Variants in MACF1 observed in about 807,000 individuals in gnomAD.
MACF1 encodes microtubule-actin cross-linking factor 1.
MACF1 carries 193 observed loss-of-function variants against 854.8 expected under a neutral mutation model. That is an observed-to-expected ratio of 0.23 (90% confidence interval 0.20 to 0.25). The LOEUF (loss-of-function observed/expected upper bound fraction) is 0.25, where lower values mean the gene tolerates loss of function less well. Ranked by LOEUF, MACF1 falls within the 10% of genes least tolerant of loss-of-function variation. The probability of loss-of-function intolerance (pLI) is 1.00; values close to 1 mark genes in which losing one functional copy is unlikely to be tolerated. For synonymous variants in MACF1, 3,185 were observed against 3,226.7 expected (o/e 0.99, Z 0.44); for missense variants, 7,722 against 8,929.1 (o/e 0.86, Z 5.45).
At chr1:39,235,936 G>C (rs1302078912) in intron 2 of MACF1, among the ~76,000 whole-genome samples, 1 of 152,054 alleles carries the variant, frequency 6.6e-6, no homozygotes, top group East Asian at 1.9e-4. Flanking sequence ...TGGGGTCTTG[G>C]TATGTTGCCC....
rs1386673236 is a variant in MACF1, at chr1:39,331,777, T to C, written c.5189T>C (p.Val1730Ala). ...HQESGFKLLP[V>A]KQLAGGMVSL... is the part of the protein sequence containing the mutation. ...GAATCAGGATTCAAATTACTGCCTGTCAAACAATTGGCAGGGGGGATGGTG... is the reference window on the plus strand; with the variant it reads ...GAATCAGGATTCAAATTACTGCCTGCCAAACAATTGGCAGGGGGGATGGTG... The change falls in exon 37 of 101, where the codon GTC becomes GCC. Residue 1730 changes from valine to alanine, a missense_variant. Coordinates refer to ENST00000564288, the MANE Select transcript of MACF1 (RefSeq NM_001394062.1). 6.2e-7 allele frequency: 1 copy of C among 1,613,990 alleles called. No individual in the cohort carries two copies.
intron 6 of MACF1, among the ~76,000 whole-genome samples, chr1:39,280,948 G>A (rs1213108117): frequency 6.6e-6 from 1 of 152,154 alleles, no homozygotes; most frequent in African/African-American, 2.4e-5. Flanking sequence ...AAGAATCGAA[G>A]GAAGACCAGC....
chr1:39,326,659 T>G (rs1646617975), intron 35 of MACF1, among the ~76,000 whole-genome samples: 1 of 118,482 alleles, frequency 8.4e-6, no homozygotes, highest in Non-Finnish European at 1.6e-5. Flanking sequence ...TCAACCTGGG[T>G]GACAGAGCGA....
At chr1:39,432,874 T>A (rs1175366129) in intron 67 of MACF1, among the ~76,000 whole-genome samples, 174 bp from the exon 68 acceptor site, 1 of 152,162 alleles carries the variant, frequency 6.6e-6, no homozygotes, top group Non-Finnish European at 1.5e-5. Flanking sequence ...ATTTCCTTGA[T>A]AGAAATTTTT....
At chr1:39,254,452 C>A in intron 5 of MACF1, 77 bp downstream of exon 5, 3 of 1,280,296 alleles carry the variant, frequency 2.3e-6, no homozygotes, top group Non-Finnish European at 2.3e-6. Flanking sequence ...GTTTTTAGTG[C>A]CCCTAGTAAG....
intron 2 of MACF1, among the ~76,000 whole-genome samples, chr1:39,086,398 T>G (rs1299823057): frequency 6.6e-6 from 1 of 151,566 alleles, no homozygotes; most frequent in Non-Finnish European, 1.5e-5. Context: ...CAACGAGGAG[T>G]CCTTGGAGGA....
intron 2 of MACF1, among the ~76,000 whole-genome samples, chr1:39,145,656 C>T (rs1476372489): frequency 6.6e-6 from 1 of 152,208 alleles, no homozygotes; most frequent in African/African-American, 2.4e-5. Context: ...TTGCAGAACT[C>T]AGCAGCCTCT....
rs533735033 is a variant in MACF1 at position 39,102,944 on chromosome 1, T to C, written c.220+18506T>C. On this transcript the variant is annotated intron_variant, in intron 2 of 93. Coordinates refer to the MACF1 transcript ENST00000361689. ...CAGCCGCTTTGTTCCTCTAGCCTTG[T>C]AAAATTTTCTCTGTATAAAACAGGA... 29 of 701,598 alleles carry C rather than the reference T, an allele frequency of 4.1e-5. No individual in the cohort carries two copies. In the South Asian group the frequency reaches 4.3e-4, roughly 10 times the overall value. The allele number at this position is 701,598 out of a possible 1,614,324, so 43.5% of individuals were successfully genotyped here. A position where few individuals can be genotyped will look rare whatever the true frequency, so the allele number is the denominator to read the frequency against.
intron 61 of MACF1, among the ~76,000 whole-genome samples, chr1:39,425,516 C>G (rs1175702921): frequency 5.3e-5 from 8 of 152,158 alleles, no homozygotes; most frequent in Admixed American, 3.9e-4. Context: ...AAAATATAAA[C>G]TCTTTAACAC....
chr1:39,322,573 CCT>C (rs1557586838), intron 31 of MACF1, 33 bp from the exon 32 acceptor site: 1 of 1,518,580 alleles, frequency 6.6e-7, no homozygotes, highest in South Asian at 1.1e-5. Context: ...ATTATAAAAC[CCT>C]GAGTAACTGT....
intron 2 of MACF1, among the ~76,000 whole-genome samples, chr1:39,239,089 A>C (rs1417629802): frequency 6.6e-6 from 1 of 152,042 alleles, no homozygotes; most frequent in Non-Finnish European, 1.5e-5. Flanking sequence ...GAGACCAGCC[A>C]GGCCAACATG....
Position 39,332,541 on chromosome 1 carries a change from G to A in MACF1, c.5953G>A (p.Asp1985Asn), listed in dbSNP as rs1350425465. The A allele has an allele frequency of 3.1e-6, 5 of 1,614,144 alleles. No homozygotes were observed. The highest frequency in any genetic ancestry group is 4.5e-5 in the East Asian group (2 of 44,888). ...AAATGGACAGAGGCTGCTTCTGTTA[G>A]ATAAAGAGCTGATGGAGACACTAAC... is the stretch of plus-strand genomic sequence containing the variant. The part of the protein sequence containing the change: ...VQNGQRLLLL[D>N]KELMETLTSR... Residue 1985 changes from aspartate (D) to asparagine (N), a missense_variant, in exon 37 of 101, where the codon GAT becomes AAT. Physicochemically the swap from Asp to Asn is conservative, Grantham distance 23. This residue lies in a region of MACF1 where 1,531 missense variants were observed against 1,601.6 expected (regional missense o/e 0.96). Transcript: ENST00000564288.
intron 2 of MACF1, among the ~76,000 whole-genome samples, chr1:39,243,441 G>A (rs183240639): frequency 8.3e-4 from 126 of 152,220 alleles, no homozygotes; most frequent in Admixed American, 2.9e-3. Context: ...TCACTCTGTT[G>A]TCCAGGCTGG....
chr1:39,376,431 A>G (rs1470281069), intron 52 of MACF1, among the ~76,000 whole-genome samples: 4 of 152,178 alleles, frequency 2.6e-5, no homozygotes, highest in Non-Finnish European at 5.9e-5. Flanking sequence ...GTACTTTGAT[A>G]TACATTCGCT....
intron 11 of MACF1, 50 bp from the exon 12 acceptor site, chr1:39,285,033 G>A (rs1298772622): frequency 1.2e-6 from 2 of 1,603,052 alleles, no homozygotes; most frequent in Admixed American, 1.7e-5. Context: ...ATCAAAACTG[G>A]GACAAGAGGG....
At chr1:39,194,341 CTTTTCTTTTCTTTTTTTTTTTT>C (rs907874068) in intron 2 of MACF1, among the ~76,000 whole-genome samples, 2 of 70,058 alleles carry the variant, frequency 2.9e-5, no homozygotes, top group Non-Finnish European at 6.0e-5. Context: ...CTTTTCTTTT[CTTTTCTTTTCTTTTTTTTTTTT>C]TTTTTTTTGT....
intron 99 of MACF1, among the ~76,000 whole-genome samples, chr1:39,483,086 C>CAAAAAA (rs1198703166): frequency 1.3e-4 from 3 of 22,766 alleles, no homozygotes; most frequent in African/African-American, 2.9e-4. Flanking sequence ...GACTCTGTCT[C>CAAAAAA]AAAAAAAAAA....
At position 39,432,573 on chromosome 1, in the gene MACF1, T is replaced by C. The variant is rs1228641210; in HGVS notation, c.17376T>C (p.Ala5792=). ...CCGATGCAGAACTAGCTTGGGTTGC[T>C]GAAACAAAACGGAAACTGATGGCTC... The part of the protein sequence containing the change: ...QAADAELAWV[A]ETKRKLMALG... Residue 5792 remains alanine, a synonymous_variant, in exon 67 of 101, where the codon GCT becomes GCC. Coordinates refer to ENST00000564288, the MANE Select transcript of MACF1 (RefSeq NM_001394062.1). 1.9e-6 allele frequency: 3 copies of C among 1,613,936 alleles called. No homozygotes were observed. The highest frequency in any genetic ancestry group is 4.5e-5 in the East Asian group (2 of 44,882).
intron 2 of MACF1, among the ~76,000 whole-genome samples, chr1:39,139,225 A>G (rs1222262703): frequency 1.3e-5 from 2 of 151,680 alleles, no homozygotes; most frequent in South Asian, 4.1e-4. Flanking sequence ...ATGCTTGCTT[A>G]TGGGGGGAAA....
Sources: gnomAD v4.1 joint callset for allele counts (sites outside exome capture counted in the v4.1 genomes callset) on GRCh38, gnomAD v4.1.1 for gene constraint, gnomAD v4.1.1 regional missense constraint, MANE v1.5 for transcripts, NCBI Gene and HGNC (gene_info 2026-07-23, HGNC 2026-07-21) for gene names.